SHPRH: variants seen among roughly 807,000 people sequenced by gnomAD.
SHPRH encodes the protein SNF2 histone linker PHD RING helicase, also known as E3 ubiquitin-protein ligase SHPRH.
Under a neutral mutation model 202.5 loss-of-function variants are expected in SHPRH, and 106 were observed. The ratio of observed to expected loss-of-function variants is 0.52; its 90% CI spans 0.45 to 0.62. The LOEUF (loss-of-function observed/expected upper bound fraction) is 0.62. SHPRH is among the 20% of genes least tolerant of loss of function. The pLI, the probability that SHPRH is intolerant of heterozygous loss-of-function variation, is 0.00. For missense variants in SHPRH, 1,710 were observed against 2,020.0 expected, an observed-to-expected ratio of 0.85 and a Z score of 2.94; for synonymous variants, 729 against 686.0, an observed-to-expected ratio of 1.06 and a Z score of -0.98.
At chr6:145,926,754 A>G (rs750972124) in intron 15 of SHPRH, among the ~76,000 whole-genome samples, 15 of 151,998 alleles carry the variant, frequency 9.9e-5, no homozygotes, top group Non-Finnish European at 1.8e-4. Context: ...GAAGGGAAAG[A>G]GAAATAAGTG....
intron 14 of SHPRH, among the ~76,000 whole-genome samples, chr6:145,930,887 T>A (rs1369800790): frequency 1.3e-5 from 2 of 152,162 alleles, no homozygotes; most frequent in African/African-American, 4.8e-5. Flanking sequence ...ATTTTGAAAC[T>A]CTTGTTTTAG....
chr6:145,900,809 CT>C (rs1192838613), intron 25 of SHPRH, among the ~76,000 whole-genome samples: 1 of 152,000 alleles, frequency 6.6e-6, no homozygotes, highest in African/African-American at 2.4e-5. Context: ...ATTATAGTGT[CT>C]TTTAAAAATT....
At chr6:145,959,352 T>TA (rs1428928564) in intron 1 of SHPRH, among the ~76,000 whole-genome samples, 1 of 152,154 alleles carries the variant, frequency 6.6e-6, no homozygotes, top group Non-Finnish European at 1.5e-5. Context: ...TTTCTATATT[T>TA]AAATATGTTT....
intron 25 of SHPRH, chr6:145,908,184 T>C (rs117626488): frequency 6.6e-5 from 10 of 152,284 alleles, no homozygotes; most frequent in East Asian, 1.9e-4. Flanking sequence ...TTTGGATTGG[T>C]TCCATATATT....
downstream of SHPRH, among the ~76,000 whole-genome samples, chr6:145,880,766 T>C (rs1780527064): frequency 5.3e-5 from 8 of 151,934 alleles, no homozygotes; most frequent in Admixed American, 5.2e-4. Flanking sequence ...AATAAGTTAA[T>C]GTATATAAAA....
intron 2 of SHPRH, among the ~76,000 whole-genome samples, chr6:145,869,085 T>C (rs970344347): frequency 5.3e-5 from 8 of 152,168 alleles, no homozygotes; most frequent in African/African-American, 1.9e-4. Context: ...GCCATTCCAG[T>C]AGGTGTGTAT....
intron 2 of SHPRH, chr6:145,876,888 T>G (rs1480221617): frequency 6.6e-6 from 1 of 152,178 alleles, no homozygotes; most frequent in African/African-American, 2.4e-5. Flanking sequence ...AAACACCATG[T>G]GAGGATACAG....
chr6:145,926,120 G>T (rs967550603), intron 16 of SHPRH, 84 bp downstream of exon 16: 40 of 1,141,520 alleles, frequency 3.5e-5, no homozygotes, highest in Non-Finnish European at 5.1e-5. Flanking sequence ...TTTGTATGTT[G>T]TATGTCCTAG....
chr6:145,905,286 T>C (rs1782860531), intron 25 of SHPRH: 1 of 152,104 alleles, frequency 6.6e-6, no homozygotes, highest in African/African-American at 2.4e-5. Flanking sequence ...AAGGAGAAAC[T>C]ATAGGAGTGG....
chr6:145,896,213 T>C (rs1419938703), intron 25 of SHPRH, among the ~76,000 whole-genome samples: 3 of 152,106 alleles, frequency 2.0e-5, no homozygotes, highest in Non-Finnish European at 2.9e-5. Flanking sequence ...TCTGGGTATG[T>C]AGACTTTCAA....
chr6:145,927,790 AAAT>A (rs1785020931), intron 14 of SHPRH, among the ~76,000 whole-genome samples: 1 of 152,030 alleles, frequency 6.6e-6, no homozygotes, highest in African/African-American at 2.4e-5. Context: ...GTATTAGGCC[AAAT>A]AATTTGCAAT....
At chr6:145,945,676 TAAAATG>T (rs1562360054) in intron 7 of SHPRH, 39 bp from the exon 8 acceptor site, 1 of 1,534,358 alleles carries the variant, frequency 6.5e-7, no homozygotes, top group Non-Finnish European at 8.7e-7. Context: ...TCAAAATAAT[TAAAATG>T]AAAAGAAAGT....
intron 2 of SHPRH, among the ~76,000 whole-genome samples, chr6:145,870,754 T>C (rs1041279607): frequency 6.6e-6 from 1 of 152,214 alleles, no homozygotes; most frequent in Non-Finnish European, 1.5e-5. Context: ...CTTTCAAGTT[T>C]CTCACCATTA....
chr6:145,927,390 CTTTT>C (rs1784978268), intron 14 of SHPRH, 113 bp from the exon 15 acceptor site: 3 of 997,290 alleles, frequency 3.0e-6, no homozygotes, highest in South Asian at 1.8e-5. Flanking sequence ...ATGATTATAA[CTTTT>C]TTTAAGTAAA....
chr6:145,894,819 C>T, intron 26 of SHPRH, 66 bp downstream of exon 26: 4 of 1,460,726 alleles, frequency 2.7e-6, no homozygotes, highest in East Asian at 2.3e-5. Context: ...TAGTTCTCAG[C>T]TGTAAACTGA....
chr6:145,906,647 A>G (rs1229066054), intron 25 of SHPRH: 1 of 152,094 alleles, frequency 6.6e-6, no homozygotes, highest in Non-Finnish European at 1.5e-5. Context: ...AACAACAACA[A>G]AAAAGTGATG....
chr6:145,934,885 A>T (rs747933328), intron 13 of SHPRH, 22 bp downstream of exon 13: 19 of 1,564,078 alleles, frequency 1.2e-5, no homozygotes, highest in Admixed American at 3.6e-5. Context: ...AACTGCAATT[A>T]AAAAAAAGTT....
downstream of SHPRH, chr6:145,884,519 T>C (rs1440126353): frequency 6.6e-6 from 1 of 152,162 alleles, no homozygotes; most frequent in East Asian, 1.9e-4. Flanking sequence ...TTCATTAGCA[T>C]AGCACCCATT....
chr6:145,886,869 A>T, intron 29 of SHPRH, 82 bp from the exon 30 acceptor site: 1 of 1,414,910 alleles, frequency 7.1e-7, no homozygotes, highest in Non-Finnish European at 9.4e-7. Flanking sequence ...CGAACTAGAC[A>T]CATATTTTTT....
Sources: gnomAD v4.1 joint callset for allele counts (sites outside exome capture counted in the v4.1 genomes callset) on GRCh38, gnomAD v4.1.1 for gene constraint, MANE v1.5 for transcripts, NCBI Gene and HGNC (gene_info 2026-07-23, HGNC 2026-07-21) for gene names.